The following IP6K3 variants were observed in gnomAD, a reference collection of about 807,000 sequenced individuals.
IP6K3 encodes ATP:1D-myo-inositol-hexakisphosphate phosphotransferase.
In IP6K3, 20 loss-of-function variants were observed where a neutral mutation model predicts 28.8. That is an observed-to-expected ratio of 0.70 (90% CI 0.49 to 1.01). The LOEUF (loss-of-function observed/expected upper bound fraction) is 1.01, where lower values mean the gene tolerates loss of function less well. Ranked by LOEUF, IP6K3 falls within the 50% of genes least tolerant of loss-of-function variation. IP6K3 has a pLI of 0.00. For missense variants in IP6K3, 480 were observed against 537.1 expected, an observed-to-expected ratio of 0.89 and a Z score of 1.05; for synonymous variants, 213 against 221.3, an observed-to-expected ratio of 0.96 and a Z score of 0.33.
At position 33,728,250 on chromosome 6, in the gene IP6K3, C is replaced by T. The variant is rs1766194912; in HGVS notation, c.250G>A (p.Val84Ile). The T allele has an allele frequency of 6.2e-7, 1 of 1,614,192 alleles. No homozygotes were observed. Among genetic ancestry groups the T allele is most frequent in the Non-Finnish European group, 8.5e-7 (1 of 1,180,044 alleles). Reference protein sequence around the residue: ...WKDSTGHLSLVANPVKESQEP... With the variant: ...WKDSTGHLSLIANPVKESQEP... ...TGGCTCTCCTTCACTGGGTTGGCAA[C>T]CAAGCTGAGATGGCCTGTGCTGTCT... Residue 84 changes from valine to isoleucine, a missense_variant, in exon 3 of 6, where the codon GTT becomes ATT. Transcript: ENST00000293756.
At position 33,735,314 on chromosome 6, in the gene IP6K3, G is replaced by T; in HGVS notation, c.163C>A (p.Pro55Thr). ...GGGGTGAACCGCTTCATGGCCAGCGGCAGGGATTCATAGAACCTCTGCTCC... is the reference window on the plus strand; with the variant it reads ...GGGGTGAACCGCTTCATGGCCAGCGTCAGGGATTCATAGAACCTCTGCTCC... ...SREQRFYESL[P>T]LAMKRFTPQY... Residue 55 changes from proline to threonine, a missense_variant, in exon 2 of 6, where the codon CCG becomes ACG. Transcript: ENST00000293756. The T allele has an allele frequency of 6.2e-7, 1 of 1,611,026 alleles. No individual in the cohort carries two copies.
the IP6K3 span, among the ~76,000 whole-genome samples, chr6:33,758,341 C>T: frequency 6.6e-6 from 1 of 151,684 alleles, no homozygotes; most frequent in African/African-American, 2.4e-5. Context: ...TTAGGGAGAC[C>T]CATCTCTTCA....
Position 33,725,461 on chromosome 6 carries a change from C to T in IP6K3, c.745G>A (p.Val249Met), listed in dbSNP as rs1766070237. 1 of 1,611,978 alleles carries T rather than the reference C, an allele frequency of 6.2e-7. No individual in the cohort carries two copies. Among genetic ancestry groups the T allele is most frequent in the Non-Finnish European group, 8.5e-7 (1 of 1,179,856 alleles). ...CAQSTSACLGVRICGMQVYQT... is the reference protein window; with the variant it reads ...CAQSTSACLGMRICGMQVYQT... The stretch of plus-strand genomic sequence containing the variant: ...CCTACCTGCATGCCGCAGATGCGCA[C>T]ACCCAGGCAGGCTGAGGTGCTCTGC... The change falls in exon 5 of 6, where the codon GTG becomes ATG. Residue 249 changes from valine to methionine, a missense_variant. By Grantham distance (21) the Val-to-Met change is conservative. Coordinates refer to ENST00000293756, the MANE Select transcript of IP6K3 (RefSeq NM_054111.5).
Position 33,734,158 on chromosome 6 carries a change from G to A in IP6K3, c.199+1120C>T, listed in dbSNP as rs186045423. Among the ~76,000 whole-genome samples the A allele has an allele frequency of 3.6e-3, 533 of 146,992 alleles. 7 individuals carry two copies. Among genetic ancestry groups the A allele is most frequent in the African/African-American group, 7.7e-3 (302 of 39,216 alleles). On this transcript the variant is annotated intron_variant, in intron 2 of 5. Coordinates refer to ENST00000293756, the MANE Select transcript of IP6K3 (RefSeq NM_054111.5). ...GCGGAAGTTGCAATGAGCCAAGATC[G>A]CGCCATTGCACTCCAGCCTGGGCAA...
At chr6:33,728,700 C>T (rs12661400) in intron 2 of IP6K3, among the ~76,000 whole-genome samples, 20,302 of 152,240 alleles carry the variant, frequency 0.13, 1,805 homozygotes, top group Middle Eastern at 0.22. Flanking sequence ...TGGTCCTCTG[C>T]GAAGGGGCCG....
the IP6K3 span, among the ~76,000 whole-genome samples, chr6:33,757,412 T>C: frequency 5.9e-5 from 9 of 152,342 alleles, no homozygotes; most frequent in Non-Finnish European, 1.2e-4. Flanking sequence ...AATATTTATG[T>C]GTCGTAACAC....
chr6:33,729,059 A>C (rs938713382), intron 2 of IP6K3, among the ~76,000 whole-genome samples: 3 of 152,232 alleles, frequency 2.0e-5, no homozygotes, highest in Admixed American at 2.0e-4. Context: ...GCACAAAAAA[A>C]CACTGGTTGT....
chr6:33,730,752 G>C (rs537879360), intron 2 of IP6K3, among the ~76,000 whole-genome samples: 1 of 152,200 alleles, frequency 6.6e-6, no homozygotes, highest in Non-Finnish European at 1.5e-5. Context: ...AAGGTCACAT[G>C]GTCGGTGTGG....
chr6:33,737,881 G>A lies in IP6K3; in HGVS notation c.-179-2226C>T, dbSNP rs145739968. 2.2e-4 allele frequency among the ~76,000 whole-genome samples: 34 copies of A among 152,348 alleles called. No individual in the cohort carries two copies. In the East Asian group the frequency reaches 6.0e-3, roughly 27 times the overall value. On this transcript the variant is annotated intron_variant, in intron 1 of 5. Transcript: ENST00000293756. Reference sequence around the variant, plus strand: ...CAGCTCTGCTCCAGTGTGGCACAGAGGTGAGCCCCATCTGGAAGCTGTTTC... The same window carrying A: ...CAGCTCTGCTCCAGTGTGGCACAGAAGTGAGCCCCATCTGGAAGCTGTTTC...
In IP6K3 at chr6:33,744,847, C is replaced by T. The variant is rs36051493; in HGVS notation, c.-180+1911G>A. On this transcript the variant is annotated intron_variant, in intron 1 of 5. Transcript: ENST00000293756. The surrounding 1 kb of genome is among the most constrained non-coding windows in gnomAD (Gnocchi z 4.4). ...CATCTCTTGCCCTCCCCTCCCACTG[C>T]TTAACCAGGGTCAGGGGCTGAAGGG... is the stretch of plus-strand genomic sequence containing the variant. Among the ~76,000 whole-genome samples the T allele has an allele frequency of 2.0e-5, 3 of 152,200 alleles. No homozygotes were observed. The highest frequency in any genetic ancestry group is 7.2e-5 in the African/African-American group (3 of 41,466).
At chr6:33,753,878 A>G in the IP6K3 span, among the ~76,000 whole-genome samples, 5 of 151,978 alleles carry the variant, frequency 3.3e-5, no homozygotes, top group East Asian at 9.7e-4. Context: ...GCGCGATCTC[A>G]GCTCACTGCA....
chr6:33,761,146 A>G, the IP6K3 span, among the ~76,000 whole-genome samples: 1 of 152,078 alleles, frequency 6.6e-6, no homozygotes, highest in Admixed American at 6.5e-5. Flanking sequence ...CCCTGGAGCC[A>G]CCCTGAAGCC....
rs535782599 is a variant in IP6K3 at position 33,728,415 on chromosome 6, C to T, written c.200-115G>A. On this transcript the variant is annotated intron_variant, in intron 2 of 5. Transcript: ENST00000293756. ...CTTAATGGCCCTGGTCCACCTCCTC[C>T]GTTCCCCAGCTCCTCTCTCAAGGAA... 1.1e-4 allele frequency: 96 copies of T among 887,478 alleles called. No individual in the cohort carries two copies. The African/African-American group carries it at 1.2e-3, about 11-fold the overall frequency. 55.0% of individuals were successfully genotyped at this position (887,478 alleles called of 1,614,324 possible). A position where few individuals can be genotyped will look rare whatever the true frequency, so the allele number is the denominator to read the frequency against.
At chr6:33,737,574 C>T (rs1240247052) in intron 1 of IP6K3, among the ~76,000 whole-genome samples, 4 of 152,240 alleles carry the variant, frequency 2.6e-5, no homozygotes, top group Admixed American at 2.0e-4. Flanking sequence ...TCCTGCCAGC[C>T]GCCCGGACCT....
At chr6:33,730,614 T>C (rs1766286270) in intron 2 of IP6K3, among the ~76,000 whole-genome samples, 1 of 152,272 alleles carries the variant, frequency 6.6e-6, no homozygotes, top group Non-Finnish European at 1.5e-5. Context: ...CAGAGCATCA[T>C]AGCCACCCTG....
chr6:33,727,533 T>G (rs2127351193), intron 3 of IP6K3, among the ~76,000 whole-genome samples: 1 of 152,334 alleles, frequency 6.6e-6, no homozygotes, highest in African/African-American at 2.4e-5. Context: ...CATAAATGTT[T>G]TAAAAAGCCG....
the IP6K3 span, among the ~76,000 whole-genome samples, chr6:33,753,777 A>C: frequency 1.5e-4 from 22 of 148,062 alleles, no homozygotes; most frequent in Admixed American, 1.5e-3. Flanking sequence ...GATTACAGGC[A>C]TGAGCCACCA....
In IP6K3 at chr6:33,744,272, A is replaced by G. The variant is rs891047089; in HGVS notation, c.-180+2486T>C. ...TTGCTAAACACCCAGACCTGCCTAC[A>G]CATTTCCCAGCCTCCAACACCCTGC... On this transcript the variant is annotated intron_variant, in intron 1 of 5. Transcript: ENST00000293756. This position sits in a 1 kb window ranked among gnomAD's most constrained non-coding sequence, Gnocchi z 4.4. 3.9e-5 allele frequency among the ~76,000 whole-genome samples: 6 copies of G among 152,078 alleles called. No individual in the cohort carries two copies. Among genetic ancestry groups the G allele is most frequent in the Non-Finnish European group, 8.8e-5 (6 of 68,012 alleles).
At position 33,726,815 on chromosome 6, in the gene IP6K3, T is replaced by C; in HGVS notation, c.505A>G (p.Lys169Glu). ...EDTNGNQVER[K>E]SFNPWGLQCH... is the part of the protein sequence containing the mutation. Reference sequence around the variant, plus strand: ...TGCAGGCCCCACGGGTTGAAGCTCTTCCTCTCAACCTGGTTTCCGTTGGTG... The same window carrying C: ...TGCAGGCCCCACGGGTTGAAGCTCTCCCTCTCAACCTGGTTTCCGTTGGTG... The change falls in exon 4 of 6, where the codon AAG becomes GAG. Residue 169 changes from lysine (K) to glutamate (E), a missense_variant. Transcript: ENST00000293756. 6.2e-7 allele frequency: 1 copy of C among 1,613,478 alleles called. No homozygotes were observed. Among genetic ancestry groups the C allele is most frequent in the Non-Finnish European group, 8.5e-7 (1 of 1,179,548 alleles).
Sources: gnomAD v4.1 joint callset for allele counts (sites outside exome capture counted in the v4.1 genomes callset) on GRCh38, gnomAD v4.1.1 for gene constraint, Gnocchi (gnomAD v3.1) non-coding constraint, MANE v1.5 for transcripts, NCBI Gene and HGNC (gene_info 2026-07-23, HGNC 2026-07-21) for gene names.